LIPE: variants seen among roughly 807,000 people sequenced by gnomAD.
The protein encoded by LIPE is lipase E, hormone sensitive type, also known as hormone-sensitive lipase.
Under a neutral mutation model 88.5 loss-of-function variants are expected in LIPE, and 66 were observed. The observed-to-expected ratio is 0.75, with a 90% confidence interval of 0.61 to 0.91. The LOEUF (loss-of-function observed/expected upper bound fraction) is 0.91. LIPE is among the 40% of genes least tolerant of loss of function. The pLI is 0.00. For synonymous variants in LIPE, 570 were observed against 617.5 expected (o/e 0.92, Z 1.14); for missense variants, 1,346 against 1,434.7 (o/e 0.94, Z 1.00).
chr19:42,402,483 C>T (rs1057011424), intron 9 of LIPE, 124 bp downstream of exon 9: 13 of 833,806 alleles, frequency 1.6e-5, no homozygotes, highest in African/African-American at 5.3e-5. Context: ...CCTGGGGACA[C>T]GCCTGTCCCT....
At position 42,426,527 on chromosome 19, in the gene LIPE, G is replaced by A. The variant is rs751020739; in HGVS notation, c.623C>T (p.Thr208Ile). 8.1e-6 allele frequency: 13 copies of A among 1,614,182 alleles called. No individual in the cohort carries two copies. The highest frequency in any genetic ancestry group is 1.1e-5 in the Non-Finnish European group (13 of 1,180,032). ...CTGTATGGATAGTTCCTGAAGTTTTGTTAGAAATCCCAGCTCTGTCAAAGA... is the reference window on the plus strand; with the variant it reads ...CTGTATGGATAGTTCCTGAAGTTTTATTAGAAATCCCAGCTCTGTCAAAGA... Reference protein sequence around the residue: ...QGSLTELGFLTKLQELSIQRS... With the variant: ...QGSLTELGFLIKLQELSIQRS... The change falls in exon 1 of 10, where the codon ACA (threonine) becomes ATA (isoleucine). Residue 208 changes from threonine to isoleucine, a missense_variant. Transcript: ENST00000244289.
At chr19:42,416,616 T>C (rs1263998461) in intron 1 of LIPE, among the ~76,000 whole-genome samples, 1 of 152,196 alleles carries the variant, frequency 6.6e-6, no homozygotes, top group African/African-American at 2.4e-5. Flanking sequence ...CCGGTGTTCA[T>C]TTATCATTCC....
chr19:42,423,385 C>T (rs2040639377), intron 1 of LIPE: 10 of 1,284,176 alleles, frequency 7.8e-6, no homozygotes, highest in Non-Finnish European at 1.0e-5. Context: ...GTACGAGGTT[C>T]CTTCCGGGCT....
At chr19:42,404,584 G>A (rs2040108503) in intron 8 of LIPE, among the ~76,000 whole-genome samples, 1 of 152,198 alleles carries the variant, frequency 6.6e-6, no homozygotes, top group South Asian at 2.1e-4. Context: ...AGCTGGTCTT[G>A]AACTCCTGAC....
chr19:42,427,235 A>C lies in LIPE; in HGVS notation c.-86T>G. On this transcript the variant is annotated 5_prime_UTR_variant, in exon 1 of 10. An upstream start codon of the reference 5' UTR is lost. Transcript: ENST00000244289. ...AGCCCTCTCTCTTCACAGATCTCTC[A>C]TTGATTCCTCATGATGGCACTTCCT... The C allele has an allele frequency of 6.8e-7, 1 of 1,471,126 alleles. No individual in the cohort carries two copies. Among genetic ancestry groups the C allele is most frequent in the Non-Finnish European group, 9.0e-7 (1 of 1,115,384 alleles). The allele number at this position is 1,471,126 out of a possible 1,614,324, so 91.1% of individuals were successfully genotyped here.
At chr19:42,424,783 T>G (rs2040677532) in intron 1 of LIPE, 2 of 361,944 alleles carry the variant, frequency 5.5e-6, no homozygotes, top group South Asian at 4.1e-5. Flanking sequence ...ATAAAACTTG[T>G]ATTCCCCCCT....
Position 42,407,352 on chromosome 19 carries a change from A to G in LIPE, c.1959T>C (p.Gly653=), listed in dbSNP as rs1183225770. 1 of 1,613,024 alleles carries G rather than the reference A, an allele frequency of 6.2e-7. No homozygotes were observed. Residue 653 remains glycine, a synonymous_variant, in exon 6 of 10, where the codon GGT becomes GGC. Transcript: ENST00000244289. This position sits in a 1 kb window ranked among gnomAD's most constrained non-coding sequence, Gnocchi z 5.8. ...ATCTGGAGGTCTGGGCCACAAAGCC[A>G]CCGCCGTGGAAGTGCACTATCAGGG... ...SRSLIVHFHG[G]GFVAQTSRSH... is the part of the protein sequence containing the mutation.
At chr19:42,402,232 A>G (rs2040001874) in intron 9 of LIPE, among the ~76,000 whole-genome samples, 157 bp from the exon 10 acceptor site, 2 of 151,550 alleles carry the variant, frequency 1.3e-5, no homozygotes, top group African/African-American at 4.9e-5. Flanking sequence ...GGAGTTGGGG[A>G]GAGAATGGAG....
At chr19:42,404,902 G>C (rs147801703) in intron 8 of LIPE, among the ~76,000 whole-genome samples, 2 of 151,900 alleles carry the variant, frequency 1.3e-5, no homozygotes, top group Non-Finnish European at 2.9e-5. Context: ...ACAAGGTATC[G>C]CTGTGTCACC....
intron 1 of LIPE, among the ~76,000 whole-genome samples, chr19:42,411,758 C>T (rs1419882453): frequency 3.3e-5 from 5 of 152,212 alleles, no homozygotes; most frequent in African/African-American, 9.6e-5. Context: ...TCCTGGGTTG[C>T]ATGGCCGGCC....
chr19:42,405,184 T>G (rs2040129982), intron 8 of LIPE, among the ~76,000 whole-genome samples: 1 of 152,182 alleles, frequency 6.6e-6, no homozygotes, highest in Non-Finnish European at 1.5e-5. Context: ...TTTGTACTTT[T>G]ACTAGAGACA....
intron 8 of LIPE, 114 bp from the exon 9 acceptor site, chr19:42,403,145 T>G: frequency 9.3e-7 from 1 of 1,078,240 alleles, no homozygotes; most frequent in Non-Finnish European, 1.3e-6. Flanking sequence ...AGGCTGTGTT[T>G]CCCCAGACTC....
rs780020049 is a variant in LIPE at position 42,426,831 on chromosome 19, T to C, written c.319A>G (p.Thr107Ala). The change falls in exon 1 of 10, where the codon ACT becomes GCT. Residue 107 changes from threonine to alanine, a missense_variant. By Grantham distance (58) the Thr-to-Ala change is moderately conservative (BLOSUM62 0). Transcript: ENST00000244289. ...TGCTGGGAGGCAGCTTCCTGTTGAGTGAGCAGCACCCTTTGGATGTAAGGT... is the reference window on the plus strand; with the variant it reads ...TGCTGGGAGGCAGCTTCCTGTTGAGCGAGCAGCACCCTTTGGATGTAAGGT... The part of the protein sequence containing the change: ...QSPYIQRVLL[T>A]QQEAASQQGP... 1 of 1,614,126 alleles carries C rather than the reference T, an allele frequency of 6.2e-7. No homozygotes were observed. Among genetic ancestry groups the C allele is most frequent in the Non-Finnish European group, 8.5e-7 (1 of 1,180,022 alleles).
Position 42,406,050 on chromosome 19 carries a change from C to T in LIPE, c.2365+111G>A, listed in dbSNP as rs890616013. ...AAAAGGGACAAGGAGTCTTAGATTC[C>T]TCTGCCTGGCCTCTCCTTCCTCAGT... is the stretch of plus-strand genomic sequence containing the variant. On this transcript the variant is annotated intron_variant, in intron 7 of 9. Transcript: ENST00000244289. The surrounding 1 kb of genome is among the most constrained non-coding windows in gnomAD (Gnocchi z 5.7). The T allele has an allele frequency of 2.3e-6, 2 of 864,162 alleles. No homozygotes were observed. Among genetic ancestry groups the T allele is most frequent in the African/African-American group, 3.4e-5 (2 of 58,726 alleles). 53.5% of individuals were successfully genotyped at this position (864,162 alleles called of 1,614,324 possible). A position where few individuals can be genotyped will look rare whatever the true frequency, so the allele number is the denominator to read the frequency against.
Position 42,410,348 on chromosome 19 carries a change from G to T in LIPE, c.1378C>A (p.Leu460Met), listed in dbSNP as rs763936860. ...TADFLREYVT[L>M]HKGCFYGRCL... ...CGGCCATAGAAGCATCCCTTATGCAGCGTGACATACTCCCGGAGGAAGTCG... is the reference window on the plus strand; with the variant it reads ...CGGCCATAGAAGCATCCCTTATGCATCGTGACATACTCCCGGAGGAAGTCG... Residue 460 changes from leucine (L) to methionine (M), a missense_variant, in exon 2 of 10, where the codon CTG (leucine) becomes ATG (methionine). By Grantham distance (15) the Leu-to-Met change is conservative (BLOSUM62 2). Coordinates refer to ENST00000244289, the MANE Select transcript of LIPE (RefSeq NM_005357.4). The surrounding 1 kb of genome is among the most constrained non-coding windows in gnomAD (Gnocchi z 6.1). 6 of 1,611,824 alleles carry T rather than the reference G, an allele frequency of 3.7e-6. No homozygotes were observed. In the African/African-American group the frequency reaches 8.0e-5, roughly 22 times the overall value.
At chr19:42,412,993 G>A in intron 1 of LIPE, among the ~76,000 whole-genome samples, 1 of 152,136 alleles carries the variant, frequency 6.6e-6, no homozygotes, top group East Asian at 1.9e-4. Context: ...GGGTAACCTG[G>A]ACCTGCCACT....
chr19:42,423,449 G>A, intron 1 of LIPE: 3 of 1,289,350 alleles, frequency 2.3e-6, no homozygotes, highest in Non-Finnish European at 3.0e-6. Flanking sequence ...CACCGCCGGC[G>A]ACCGTGGCTC....
chr19:42,409,927 G>A (rs2040319412), intron 2 of LIPE, among the ~76,000 whole-genome samples: 1 of 152,222 alleles, frequency 6.6e-6, no homozygotes, highest in Non-Finnish European at 1.5e-5. Flanking sequence ...GCCCAGAGAG[G>A]GCCAGAATGA....
intron 1 of LIPE, among the ~76,000 whole-genome samples, chr19:42,417,731 A>G (rs949603592): frequency 6.6e-6 from 1 of 152,096 alleles, no homozygotes; most frequent in Admixed American, 6.6e-5. Flanking sequence ...TTAGAAATAC[A>G]TTTTGTAGGC....
Sources: allele counts gnomAD v4.1 joint callset (sites outside exome capture counted in the v4.1 genomes callset), GRCh38; gene constraint gnomAD v4.1.1; non-coding constraint Gnocchi (gnomAD v3.1); transcripts MANE v1.5; gene names NCBI Gene and HGNC (gene_info 2026-07-23, HGNC 2026-07-21).